The following WDPCP variants were observed in gnomAD, a reference collection of about 807,000 sequenced individuals.
The protein encoded by WDPCP is WD repeat containing planar cell polarity effector, also known as WD repeat-containing and planar cell polarity effector protein fritz homolog.
A neutral mutation model predicts 93.1 loss-of-function variants in WDPCP; 71 were observed. The observed-to-expected ratio is 0.76, with a 90% CI of 0.63 to 0.93. The LOEUF is 0.93. WDPCP is among the 40% of genes least tolerant of loss of function. The pLI, the probability that WDPCP is intolerant of heterozygous loss-of-function variation, is 0.00. For synonymous variants in WDPCP, 315 were observed against 315.0 expected (o/e 1.00, Z 0.00); for missense variants, 844 against 887.4 (o/e 0.95, Z 0.62).
chr2:63,567,159 G>C (rs373251352), intron 1 of WDPCP, among the ~76,000 whole-genome samples: 15 of 152,252 alleles, frequency 9.9e-5, no homozygotes, highest in Admixed American at 7.2e-4. Context: ...ATTAATAGGC[G>C]TGAATAATTA....
At chr2:63,533,524 T>G (rs925709985) in intron 1 of WDPCP, among the ~76,000 whole-genome samples, 1 of 152,180 alleles carries the variant, frequency 6.6e-6, no homozygotes. Flanking sequence ...CAGACCACAG[T>G]GCAATCAAAT....
intron 12 of WDPCP, among the ~76,000 whole-genome samples, chr2:63,371,637 CT>C (rs546382615): frequency 0.016 from 2,428 of 149,402 alleles, 56 homozygotes; most frequent in African/African-American, 0.053. Context: ...CCCTGACAAT[CT>C]TTTTTTTTTA....
intron 3 of WDPCP, among the ~76,000 whole-genome samples, chr2:63,618,468 CT>C (rs1356460970): frequency 2.0e-5 from 3 of 152,142 alleles, no homozygotes; most frequent in Non-Finnish European, 2.9e-5. Context: ...TTTTCTTTTT[CT>C]TTCCTGAATT....
At chr2:63,398,222 T>G (rs929489297) in intron 10 of WDPCP, among the ~76,000 whole-genome samples, 1 of 152,142 alleles carries the variant, frequency 6.6e-6, no homozygotes, top group Non-Finnish European at 1.5e-5. Flanking sequence ...GAGCTGATAA[T>G]GTGAGTTTAA....
chr2:63,622,567 G>C, intron 3 of WDPCP: 2 of 1,613,944 alleles, frequency 1.2e-6, no homozygotes, highest in Middle Eastern at 3.3e-4. Flanking sequence ...GTCTGATTCT[G>C]TGGGTCCACA....
At chr2:63,806,940 T>C (rs1336787130) in intron 2 of WDPCP, among the ~76,000 whole-genome samples, 1 of 152,040 alleles carries the variant, frequency 6.6e-6, no homozygotes, top group Admixed American at 6.5e-5. Flanking sequence ...AATGCAATTA[T>C]TACAGGGTCC....
At chr2:63,370,709 C>CTATT (rs1691306557) in intron 12 of WDPCP, among the ~76,000 whole-genome samples, 1 of 152,052 alleles carries the variant, frequency 6.6e-6, no homozygotes, top group Non-Finnish European at 1.5e-5. Flanking sequence ...TTTAAATCTT[C>CTATT]TATTTCTTTT....
At chr2:63,716,575 A>G (rs1286450358) in intron 2 of WDPCP, among the ~76,000 whole-genome samples, 1 of 152,168 alleles carries the variant, frequency 6.6e-6, no homozygotes, top group African/African-American at 2.4e-5. Context: ...TGAGTTGTCC[A>G]CCCATTTTGT....
At chr2:63,684,741 T>TA (rs759229851) in intron 2 of WDPCP, 4 of 597,634 alleles carry the variant, frequency 6.7e-6, no homozygotes, top group African/African-American at 5.6e-5. Flanking sequence ...CATTAAAAAT[T>TA]AAAAAATAAG....
chr2:63,497,395 G>T (rs1262179924), intron 1 of WDPCP, among the ~76,000 whole-genome samples: 4 of 152,306 alleles, frequency 2.6e-5, no homozygotes, highest in African/African-American at 9.6e-5. Context: ...GATTCCCCAA[G>T]ATCTGTGTGA....
At chr2:63,525,956 G>C (rs1703308552) in intron 1 of WDPCP, among the ~76,000 whole-genome samples, 1 of 152,138 alleles carries the variant, frequency 6.6e-6, no homozygotes, top group African/African-American at 2.4e-5. Flanking sequence ...GGTTGCAACA[G>C]CCACACCAGA....
chr2:63,328,546 A>G (rs1008020786), intron 12 of WDPCP, among the ~76,000 whole-genome samples: 2 of 152,114 alleles, frequency 1.3e-5, no homozygotes, highest in African/African-American at 4.8e-5. Context: ...TGAAGTCAGC[A>G]AGACCATGAA....
chr2:63,335,492 C>G, intron 12 of WDPCP, among the ~76,000 whole-genome samples: 1 of 151,196 alleles, frequency 6.6e-6, no homozygotes, highest in East Asian at 1.9e-4. Context: ...GGCACGACCT[C>G]AGATCAGTCC....
chr2:63,227,915 G>A (rs1267841039), intron 14 of WDPCP, among the ~76,000 whole-genome samples: 2 of 151,828 alleles, frequency 1.3e-5, no homozygotes, highest in Non-Finnish European at 2.9e-5. Context: ...ATCTAACAGG[G>A]AACAAAGGAA....
chr2:63,147,159 A>G (rs1308476981), intron 17 of WDPCP, among the ~76,000 whole-genome samples: 1 of 152,198 alleles, frequency 6.6e-6, no homozygotes, highest in African/African-American at 2.4e-5. Flanking sequence ...GGAGAGTCTT[A>G]TACACCATGA....
intron 2 of WDPCP, among the ~76,000 whole-genome samples, chr2:63,791,506 T>C (rs1275391934): frequency 1.3e-5 from 2 of 152,166 alleles, no homozygotes; most frequent in Non-Finnish European, 2.9e-5. Context: ...GCATTCTTCT[T>C]GGAAGGTAAA....
chr2:63,713,143 A>G (rs1408679008), intron 2 of WDPCP, among the ~76,000 whole-genome samples: 1 of 152,200 alleles, frequency 6.6e-6, no homozygotes, highest in Non-Finnish European at 1.5e-5. Context: ...TCTCAATTAT[A>G]CTGACTTGAA....
chr2:63,794,461 T>A (rs1026593321), intron 2 of WDPCP, among the ~76,000 whole-genome samples: 2 of 152,200 alleles, frequency 1.3e-5, no homozygotes, highest in Admixed American at 6.5e-5. Context: ...ATGAGCCATG[T>A]CAAAAAGACT....
intron 2 of WDPCP, among the ~76,000 whole-genome samples, chr2:63,786,410 T>C (rs1308884416): frequency 6.6e-6 from 1 of 152,182 alleles, no homozygotes; most frequent in Non-Finnish European, 1.5e-5. Flanking sequence ...GGAGAATGGC[T>C]CTATGCAGTT....
Sources: gnomAD v4.1 joint callset for allele counts (sites outside exome capture counted in the v4.1 genomes callset) on GRCh38, gnomAD v4.1.1 for gene constraint, MANE v1.5 for transcripts, NCBI Gene and HGNC (gene_info 2026-07-23, HGNC 2026-07-21) for gene names.